The following CYB5R4 variants were observed in gnomAD, a reference collection of about 807,000 sequenced individuals.
CYB5R4 encodes cytochrome b5 reductase 4, also known as N-terminal cytochrome b5 and cytochrome b5 oxidoreductase domain-containing protein.
CYB5R4 carries 55 observed loss-of-function variants against 70.2 expected under a neutral mutation model. The ratio of observed to expected loss-of-function variants is 0.78; its 90% CI spans 0.63 to 0.98. The LOEUF (loss-of-function observed/expected upper bound fraction) is 0.98, where lower values mean the gene tolerates loss of function less well. CYB5R4 is among the 50% of genes least tolerant of loss of function. The probability of loss-of-function intolerance (pLI) is 0.00; values close to 1 mark genes in which losing one functional copy is unlikely to be tolerated. For missense variants in CYB5R4, 562 were observed against 612.6 expected (o/e 0.92, Z 0.87); for synonymous variants, 197 against 199.5 (o/e 0.99, Z 0.11).
chr6:83,920,615 G>C (rs2099466218), intron 7 of CYB5R4, among the ~76,000 whole-genome samples: 1 of 151,858 alleles, frequency 6.6e-6, no homozygotes, highest in Admixed American at 6.6e-5. Flanking sequence ...AAATATGTTA[G>C]TGAATTGATT....
intron 14 of CYB5R4, among the ~76,000 whole-genome samples, chr6:83,949,088 T>C (rs1416828477): frequency 1.3e-5 from 2 of 150,968 alleles, no homozygotes; most frequent in Non-Finnish European, 2.9e-5. Context: ...TAATTTATGA[T>C]CCCCATAGAC....
chr6:83,946,138 C>T (rs1241796534), intron 14 of CYB5R4, among the ~76,000 whole-genome samples: 1 of 152,130 alleles, frequency 6.6e-6, no homozygotes. Context: ...AATTTCAGGC[C>T]AATATCCCTG....
At chr6:83,873,744 C>G (rs2129129674) in intron 2 of CYB5R4, among the ~76,000 whole-genome samples, 2 of 152,212 alleles carry the variant, frequency 1.3e-5, no homozygotes, top group Middle Eastern at 3.4e-3. Context: ...ATAGAGATGG[C>G]TTGTGCTCTC....
chr6:83,863,006 G>A (rs932881747), intron 1 of CYB5R4, among the ~76,000 whole-genome samples: 17 of 152,202 alleles, frequency 1.1e-4, no homozygotes, highest in African/African-American at 4.8e-5. Context: ...ATCCTTGAAT[G>A]TGTCTGCTTT....
At chr6:83,956,883 A>G (rs1262631806) in intron 15 of CYB5R4, among the ~76,000 whole-genome samples, 3 of 151,442 alleles carry the variant, frequency 2.0e-5, no homozygotes, top group Non-Finnish European at 4.4e-5. Flanking sequence ...CAGACCCCTT[A>G]GATAGGAATT....
At chr6:83,899,763 A>G (rs986222941) in intron 3 of CYB5R4, among the ~76,000 whole-genome samples, 2 of 152,126 alleles carry the variant, frequency 1.3e-5, no homozygotes, top group East Asian at 1.9e-4. Context: ...AGAGGTGTTT[A>G]TAGTATTCTC....
At chr6:83,928,544 A>T (rs1437086051) in intron 10 of CYB5R4, among the ~76,000 whole-genome samples, 3 of 152,176 alleles carry the variant, frequency 2.0e-5, no homozygotes, top group Non-Finnish European at 4.4e-5. Context: ...TTCCAGGTGG[A>T]GCTACAGATC....
chr6:83,952,420 G>A (rs747792930), intron 14 of CYB5R4, among the ~76,000 whole-genome samples: 4 of 152,058 alleles, frequency 2.6e-5, no homozygotes, highest in Non-Finnish European at 5.9e-5. Flanking sequence ...TGTGAGGGTG[G>A]GAATATCAGA....
chr6:83,892,841 C>CCT (rs143031785), intron 2 of CYB5R4, among the ~76,000 whole-genome samples: 113 of 145,254 alleles, frequency 7.8e-4, no homozygotes, highest in East Asian at 1.8e-3. Flanking sequence ...TCTCTCTCTT[C>CCT]CTCTCTCTCT....
At chr6:83,951,360 T>G (rs1381339132) in intron 14 of CYB5R4, among the ~76,000 whole-genome samples, 2 of 152,146 alleles carry the variant, frequency 1.3e-5, no homozygotes, top group Non-Finnish European at 2.9e-5. Context: ...TAGGTATACG[T>G]GTACCATGGT....
intron 5 of CYB5R4, among the ~76,000 whole-genome samples, chr6:83,917,534 A>C (rs2099465712): frequency 1.3e-5 from 2 of 152,186 alleles, no homozygotes; most frequent in South Asian, 4.1e-4. Context: ...AATACTGCTC[A>C]GTTACAAAAA....
intron 2 of CYB5R4, among the ~76,000 whole-genome samples, chr6:83,869,510 T>C (rs1180233291): frequency 1.3e-5 from 2 of 152,202 alleles, no homozygotes; most frequent in East Asian, 3.9e-4. Context: ...TTCTGACTTC[T>C]TGTTTTAGTT....
At position 83,960,905 on chromosome 6, in the gene CYB5R4, G is replaced by C. The variant is rs1374690986; in HGVS notation, c.*1027G>C. The C allele has an allele frequency of 2.6e-5, 4 of 152,184 alleles. No individual in the cohort carries two copies. The highest frequency in any genetic ancestry group is 4.4e-5 in the Non-Finnish European group (3 of 68,026). The allele number at this position is 152,184 out of a possible 1,614,324, so 9.4% of individuals were successfully genotyped here. On this transcript the variant is annotated 3_prime_UTR_variant, in exon 16 of 16. Transcript: ENST00000369681. ...AGATCAGCAAAGGGTATCAAGGATA[G>C]TCATTGTGAGCTTTTCGTGAGGAAA...
intron 2 of CYB5R4, among the ~76,000 whole-genome samples, chr6:83,871,622 CT>C (rs1331156336): frequency 6.6e-6 from 1 of 152,018 alleles, no homozygotes; most frequent in Non-Finnish European, 1.5e-5. Context: ...CTGAAATTTT[CT>C]TTGTGGGAAA....
chr6:83,934,110 T>C (rs2099468555), intron 10 of CYB5R4, among the ~76,000 whole-genome samples: 1 of 152,120 alleles, frequency 6.6e-6, no homozygotes, highest in South Asian at 2.1e-4. Flanking sequence ...AAGAAAAGAT[T>C]TTAGAATGTA....
At chr6:83,916,112 A>G (rs2099465479) in intron 5 of CYB5R4, among the ~76,000 whole-genome samples, 1 of 152,120 alleles carries the variant, frequency 6.6e-6, no homozygotes. Flanking sequence ...AATAAGATAT[A>G]TCTTAATTAT....
At chr6:83,890,564 A>C (rs1184354219) in intron 2 of CYB5R4, among the ~76,000 whole-genome samples, 4 of 152,218 alleles carry the variant, frequency 2.6e-5, no homozygotes, top group Non-Finnish European at 4.4e-5. Flanking sequence ...ACATACACTT[A>C]GTTCGTAAAA....
chr6:83,926,034 T>G (rs984435797), intron 10 of CYB5R4, among the ~76,000 whole-genome samples: 1 of 152,248 alleles, frequency 6.6e-6, no homozygotes, highest in South Asian at 2.1e-4. Flanking sequence ...GTATAACTTC[T>G]GTGTCCCTCA....
At chr6:83,907,174 C>G (rs1293957616) in intron 3 of CYB5R4, among the ~76,000 whole-genome samples, 2 of 152,064 alleles carry the variant, frequency 1.3e-5, no homozygotes, top group Non-Finnish European at 2.9e-5. Context: ...CTCCTGGGCT[C>G]AAGTGATCCT....
Sources: allele counts gnomAD v4.1 joint callset (sites outside exome capture counted in the v4.1 genomes callset), GRCh38; gene constraint gnomAD v4.1.1; transcripts MANE v1.5; gene names NCBI Gene and HGNC (gene_info 2026-07-23, HGNC 2026-07-21).